Variants in HUNK observed in about 807,000 individuals in gnomAD.
HUNK encodes the protein hormonally up-regulated neu tumor-associated kinase.
A neutral mutation model predicts 61.0 loss-of-function variants in HUNK; 21 were observed. The observed-to-expected ratio is 0.34, with a 90% CI of 0.24 to 0.50. The LOEUF (loss-of-function observed/expected upper bound fraction) is 0.50, where lower values mean the gene tolerates loss of function less well. HUNK is among the 20% of genes least tolerant of loss of function. The pLI, the probability that HUNK is intolerant of heterozygous loss-of-function variation, is 0.98. For synonymous variants in HUNK, 371 were observed against 386.1 expected (o/e 0.96, Z 0.46); for missense variants, 772 against 945.7 (o/e 0.82, Z 2.41).
intron 1 of HUNK, among the ~76,000 whole-genome samples, chr21:31,917,030 T>G (rs901775188): frequency 6.6e-6 from 1 of 152,196 alleles, no homozygotes; most frequent in African/African-American, 2.4e-5. Flanking sequence ...TCTCTGTAGC[T>G]GCTGCTAGTG....
At chr21:31,922,280 G>T (rs1300515212) in intron 1 of HUNK, among the ~76,000 whole-genome samples, 1 of 151,078 alleles carries the variant, frequency 6.6e-6, no homozygotes, top group East Asian at 2.0e-4. Flanking sequence ...GCCTCCCAAA[G>T]TGCTGGGATT....
rs1459807007 is a variant in HUNK at position 31,974,591 on chromosome 21, G to A, written c.1047G>A (p.Leu349=). The stretch of plus-strand genomic sequence containing the variant: ...AAGATCTGAGCCCGAGCGTCGTGCT[G>A]CACATGACCGAGAAGCTGGGTTACA... The part of the protein sequence containing the change: ...SLEDLSPSVV[L]HMTEKLGYKN... The change falls in exon 7 of 11, where the codon CTG becomes CTA. Residue 349 remains leucine, a synonymous_variant. Transcript: ENST00000270112. 1 of 1,613,970 alleles carries A rather than the reference G, an allele frequency of 6.2e-7. No homozygotes were observed. The highest frequency in any genetic ancestry group is 1.1e-5 in the South Asian group (1 of 91,062).
chr21:31,900,850 C>T (rs11700457), intron 1 of HUNK, among the ~76,000 whole-genome samples: 10,004 of 152,184 alleles, frequency 0.066, 430 homozygotes, highest in Middle Eastern at 0.11. Flanking sequence ...CCTGGGGCTG[C>T]CATGACAAAG....
Position 31,873,256 on chromosome 21 carries a change from GGCGGAGGCT to G in HUNK, c.-410_-402del, listed in dbSNP as rs2052227677. The G allele has an allele frequency of 1.3e-5, 2 of 151,938 alleles. No individual in the cohort carries two copies. Among genetic ancestry groups the G allele is most frequent in the Admixed American group, 6.6e-5 (1 of 15,238 alleles). The allele number at this position is 151,938 out of a possible 1,614,324, so 9.4% of individuals were successfully genotyped here. ...CGTGCGGGCCAGACGGCGGCGGCGA[GGCGGAGGCT>G]GCGGAGGCACCCGGGCTCCCGGACC... On this transcript the variant is annotated 5_prime_UTR_variant, in exon 1 of 11. Transcript: ENST00000270112. This position sits in a 1 kb window ranked among gnomAD's most constrained non-coding sequence, Gnocchi z 6.1.
chr21:31,977,839 A>G (rs1488645437), intron 7 of HUNK, among the ~76,000 whole-genome samples: 1 of 152,196 alleles, frequency 6.6e-6, no homozygotes, highest in Non-Finnish European at 1.5e-5. Context: ...AGGCAGGAGG[A>G]TCGCTTGAGC....
chr21:31,954,168 G>C lies in HUNK; in HGVS notation c.747-4675G>C, dbSNP rs145016824. On this transcript the variant is annotated intron_variant, in intron 4 of 10. Coordinates refer to ENST00000270112, the MANE Select transcript of HUNK (RefSeq NM_014586.2). ...TATGGTCTCCAAACCCCTTTAGTGG[G>C]GTTGTCCTCCCATTATCATGATGTC... Among the ~76,000 whole-genome samples the C allele has an allele frequency of 2.2e-3, 338 of 152,230 alleles. 2 individuals are homozygous for C. Among genetic ancestry groups the C allele is most frequent in the Non-Finnish European group, 3.7e-3 (249 of 68,016 alleles).
At chr21:31,888,155 A>G (rs1384018334) in intron 1 of HUNK, among the ~76,000 whole-genome samples, 1 of 152,082 alleles carries the variant, frequency 6.6e-6, no homozygotes, top group East Asian at 1.9e-4. Context: ...GGATTTGAGG[A>G]AGCCCCTCAG....
At chr21:31,906,098 A>G (rs1230111906) in intron 1 of HUNK, among the ~76,000 whole-genome samples, 2 of 151,824 alleles carry the variant, frequency 1.3e-5, no homozygotes. Context: ...ATCTGCATCT[A>G]TTAGCTATAT....
At chr21:31,945,811 G>A (rs905778532) in intron 3 of HUNK, among the ~76,000 whole-genome samples, 8 of 152,116 alleles carry the variant, frequency 5.3e-5, no homozygotes, top group Non-Finnish European at 1.0e-4. Context: ...AGTGAGGCCC[G>A]ATGTCAAATG....
chr21:31,943,553 T>A (rs747550683), intron 3 of HUNK, among the ~76,000 whole-genome samples: 4 of 152,238 alleles, frequency 2.6e-5, no homozygotes, highest in Non-Finnish European at 4.4e-5. Context: ...GTTGTTTCTC[T>A]ACAAATATAT....
intron 4 of HUNK, among the ~76,000 whole-genome samples, chr21:31,957,663 G>T (rs180940827): frequency 3.5e-3 from 526 of 152,296 alleles, no homozygotes; most frequent in Non-Finnish European, 6.1e-3. Context: ...AATGATATTA[G>T]ATTTACACAT....
intron 1 of HUNK, among the ~76,000 whole-genome samples, chr21:31,911,094 C>T (rs1274299385): frequency 1.3e-5 from 2 of 152,168 alleles, no homozygotes; most frequent in African/African-American, 2.4e-5. Context: ...ATAACAGATT[C>T]TGAAATAGTT....
chr21:31,954,737 C>A (rs534854801), intron 4 of HUNK, among the ~76,000 whole-genome samples: 2 of 152,146 alleles, frequency 1.3e-5, no homozygotes, highest in Non-Finnish European at 2.9e-5. Flanking sequence ...TTTCTGATTC[C>A]GGAGATGTGC....
chr21:31,993,807 C>T (rs1568943965), intron 9 of HUNK, among the ~76,000 whole-genome samples: 1 of 152,118 alleles, frequency 6.6e-6, no homozygotes, highest in African/African-American at 2.4e-5. Context: ...CTGGAGGACA[C>T]GTTCCCCTTC....
At chr21:31,964,355 G>A (rs1315981210) in intron 5 of HUNK, among the ~76,000 whole-genome samples, 6 of 152,222 alleles carry the variant, frequency 3.9e-5, no homozygotes, top group African/African-American at 1.4e-4. Context: ...CTACACTAAT[G>A]TGAAAAGTCT....
chr21:31,921,576 G>T (rs926427805), intron 1 of HUNK, among the ~76,000 whole-genome samples: 3 of 152,086 alleles, frequency 2.0e-5, no homozygotes, highest in African/African-American at 7.2e-5. Flanking sequence ...TGGAGAAGAT[G>T]CTTGGGTGCT....
chr21:31,985,736 G>A (rs2053128168), intron 8 of HUNK, among the ~76,000 whole-genome samples: 1 of 152,194 alleles, frequency 6.6e-6, no homozygotes, highest in African/African-American at 2.4e-5. Flanking sequence ...TTGTCCTGAG[G>A]ATGTTAGAAA....
intron 7 of HUNK, among the ~76,000 whole-genome samples, chr21:31,982,446 C>T (rs943733319): frequency 6.6e-6 from 1 of 152,222 alleles, no homozygotes; most frequent in Non-Finnish European, 1.5e-5. Context: ...ATTTACACCC[C>T]GTGTATAATT....
chr21:31,975,745 A>G (rs949378883), intron 7 of HUNK, among the ~76,000 whole-genome samples: 2 of 152,216 alleles, frequency 1.3e-5, no homozygotes, highest in Non-Finnish European at 2.9e-5. Context: ...TGAGGTTTCT[A>G]TATGAGAGCT....
Sources: allele counts gnomAD v4.1 joint callset (sites outside exome capture counted in the v4.1 genomes callset), GRCh38; gene constraint gnomAD v4.1.1; non-coding constraint Gnocchi (gnomAD v3.1); transcripts MANE v1.5; gene names NCBI Gene and HGNC (gene_info 2026-07-23, HGNC 2026-07-21).